The following PRKACB variants were observed in gnomAD, a reference collection of about 807,000 sequenced individuals.
PRKACB encodes protein kinase cAMP-activated catalytic subunit beta, also known as cAMP-dependent protein kinase catalytic subunit beta.
A neutral mutation model predicts 51.4 loss-of-function variants in PRKACB; 16 were observed. That is an observed-to-expected ratio of 0.31 (90% confidence interval 0.21 to 0.47). The LOEUF (loss-of-function observed/expected upper bound fraction) is 0.47. Ranked by LOEUF, PRKACB falls within the 20% of genes least tolerant of loss-of-function variation. PRKACB has a pLI of 1.00. For synonymous variants in PRKACB, 147 were observed against 154.4 expected (o/e 0.95, Z 0.35); for missense variants, 309 against 464.5 (o/e 0.67, Z 3.08).
intron 1 of PRKACB, among the ~76,000 whole-genome samples, chr1:84,139,065 C>G (rs1653127942): frequency 6.6e-6 from 1 of 152,100 alleles, no homozygotes; most frequent in Non-Finnish European, 1.5e-5. Context: ...AAAACAGTGT[C>G]TACAGCTAAC....
chr1:84,093,568 T>A (rs1050700865), intron 1 of PRKACB, among the ~76,000 whole-genome samples: 1 of 151,970 alleles, frequency 6.6e-6, no homozygotes, highest in African/African-American at 2.4e-5. Flanking sequence ...AACTTCATAT[T>A]TTACAAAAAT....
chr1:84,172,254 T>C (rs1265907174), intron 1 of PRKACB, among the ~76,000 whole-genome samples: 1 of 151,732 alleles, frequency 6.6e-6, no homozygotes, highest in Non-Finnish European at 1.5e-5. Context: ...ACAAAATATT[T>C]GAATTCAGGC....
In PRKACB at chr1:84,168,596, AG is replaced by A. The variant is rs1295692399; in HGVS notation, c.188-10580del. On this transcript the variant is annotated intron_variant, in intron 1 of 9. Transcript: ENST00000370685. ...ATACTGTGAGAAAAAAAATTGGGAA[AG>A]CAGTACATCATTTCTGAAATTAAAG... Among the ~76,000 whole-genome samples, 3 of 151,638 alleles carry A rather than the reference AG, an allele frequency of 2.0e-5. No individual in the cohort carries two copies. The East Asian group carries it at 5.8e-4, about 29-fold the overall frequency.
intron 1 of PRKACB, among the ~76,000 whole-genome samples, chr1:84,079,399 A>T (rs1438221963): frequency 6.6e-6 from 1 of 152,248 alleles, no homozygotes; most frequent in South Asian, 2.1e-4. Context: ...TGGTTGTAAC[A>T]TAAGAATTAG....
At chr1:84,148,567 A>G (rs1654426925) in intron 1 of PRKACB, among the ~76,000 whole-genome samples, 1 of 152,150 alleles carries the variant, frequency 6.6e-6, no homozygotes, top group African/African-American at 2.4e-5. Context: ...ACATCACTGC[A>G]GTATTACACA....
At chr1:84,158,557 A>G (rs893999447) in intron 1 of PRKACB, among the ~76,000 whole-genome samples, 4 of 150,036 alleles carry the variant, frequency 2.7e-5, no homozygotes, top group Admixed American at 2.0e-4. Flanking sequence ...AATTCTTTGT[A>G]TATTCTGAAC....
At chr1:84,217,858 G>T (rs1237760402) in intron 9 of PRKACB, among the ~76,000 whole-genome samples, 2 of 152,084 alleles carry the variant, frequency 1.3e-5, no homozygotes, top group African/African-American at 4.8e-5. Flanking sequence ...TTCTTTTAGT[G>T]CTTTCTGAAC....
At chr1:84,234,289 G>A (rs1412247204) in intron 9 of PRKACB, among the ~76,000 whole-genome samples, 2 of 152,214 alleles carry the variant, frequency 1.3e-5, no homozygotes, top group Non-Finnish European at 2.9e-5. Context: ...CTCCAGCTGT[G>A]TGCTGGGAGA....
At chr1:84,228,189 G>A (rs1674958870) in intron 9 of PRKACB, among the ~76,000 whole-genome samples, 1 of 152,156 alleles carries the variant, frequency 6.6e-6, no homozygotes, top group African/African-American at 2.4e-5. Context: ...TTATTTGTGT[G>A]TGTATCTTAT....
intron 1 of PRKACB, among the ~76,000 whole-genome samples, chr1:84,126,972 A>G (rs749041905): frequency 3.3e-5 from 5 of 151,822 alleles, no homozygotes. Flanking sequence ...TTCCATTCTT[A>G]CCTTCCACCT....
chr1:84,121,700 G>A (rs1228883527), intron 1 of PRKACB, among the ~76,000 whole-genome samples: 1 of 152,018 alleles, frequency 6.6e-6, no homozygotes, highest in Non-Finnish European at 1.5e-5. Context: ...TCTCTCCCAG[G>A]GTATTAGAAG....
chr1:84,188,359 C>T (rs1259953042), intron 5 of PRKACB, among the ~76,000 whole-genome samples: 3 of 151,386 alleles, frequency 2.0e-5, no homozygotes, highest in Non-Finnish European at 4.4e-5. Context: ...TTTATTTAGT[C>T]TATTGATCTT....
intron 7 of PRKACB, among the ~76,000 whole-genome samples, chr1:84,201,826 A>G (rs373671534): frequency 6.6e-6 from 1 of 152,246 alleles, no homozygotes; most frequent in East Asian, 1.9e-4. Flanking sequence ...GATACTGACC[A>G]TAGTTAATAA....
intron 8 of PRKACB, among the ~76,000 whole-genome samples, chr1:84,203,392 C>T (rs1363747066): frequency 6.6e-6 from 1 of 151,944 alleles, no homozygotes; most frequent in African/African-American, 2.4e-5. Flanking sequence ...TAGTATTTTA[C>T]ATTTTGTAAA....
At position 84,237,557 on chromosome 1, in the gene PRKACB, G is replaced by A. The variant is rs915014669; in HGVS notation, c.*2252G>A. ...ATTTTACTCTCTATTTAAAGGCCGT[G>A]AGCAAGCTTGTCATGAGCAAATATG... On this transcript the variant is annotated 3_prime_UTR_variant, in exon 10 of 10. Coordinates refer to ENST00000370685, the MANE Select transcript of PRKACB (RefSeq NM_182948.4). The A allele has an allele frequency of 1.3e-5, 2 of 152,284 alleles. No individual in the cohort carries two copies. Among genetic ancestry groups the A allele is most frequent in the Non-Finnish European group, 2.9e-5 (2 of 67,984 alleles). The allele number at this position is 152,284 out of a possible 1,614,324, so 9.4% of individuals were successfully genotyped here.
At chr1:84,165,166 C>T (rs1033719038) in intron 1 of PRKACB, among the ~76,000 whole-genome samples, 2 of 151,772 alleles carry the variant, frequency 1.3e-5, no homozygotes, top group Non-Finnish European at 2.9e-5. Flanking sequence ...TAGTAAATTG[C>T]CTTCAAAAAC....
At chr1:84,100,475 G>C (rs1174587152) in intron 1 of PRKACB, among the ~76,000 whole-genome samples, 3 of 152,088 alleles carry the variant, frequency 2.0e-5, no homozygotes, top group Admixed American at 2.0e-4. Flanking sequence ...ATTATAAAAA[G>C]TGGCTTTTAT....
upstream of PRKACB, among the ~76,000 whole-genome samples, chr1:84,141,225 G>A (rs1007764180): frequency 1.4e-4 from 21 of 151,724 alleles, no homozygotes; most frequent in African/African-American, 4.4e-4. Context: ...GTAAATTCTC[G>A]GTGCATGGCG....
intron 1 of PRKACB, among the ~76,000 whole-genome samples, chr1:84,148,215 A>T (rs968557739): frequency 6.6e-6 from 1 of 152,148 alleles, no homozygotes; most frequent in Non-Finnish European, 1.5e-5. Context: ...AGATTTGCCC[A>T]TACTTTAGGC....
Sources: allele counts gnomAD v4.1 joint callset (sites outside exome capture counted in the v4.1 genomes callset), GRCh38; gene constraint gnomAD v4.1.1; transcripts MANE v1.5; gene names NCBI Gene and HGNC (gene_info 2026-07-23, HGNC 2026-07-21).